SUMF1: variants seen among roughly 807,000 people sequenced by gnomAD.
SUMF1 encodes the protein formylglycine-generating enzyme.
SUMF1 carries 48 observed loss-of-function variants against 47.6 expected under a neutral mutation model. The ratio of observed to expected loss-of-function variants is 1.01; its 90% CI spans 0.80 to 1.28. The LOEUF is 1.28. Ranked by LOEUF, SUMF1 falls within the 50% of genes most tolerant of loss-of-function variation. The probability of loss-of-function intolerance (pLI) is 0.00; values close to 1 mark genes in which losing one functional copy is unlikely to be tolerated. For synonymous variants in SUMF1, 230 were observed against 192.1 expected, an observed-to-expected ratio of 1.20 and a Z score of -1.63; for missense variants, 571 against 485.4, an observed-to-expected ratio of 1.18 and a Z score of -1.66.
chr3:4,093,673 A>G (rs892687279), intron 8 of SUMF1, among the ~76,000 whole-genome samples: 12 of 152,134 alleles, frequency 7.9e-5, no homozygotes, highest in Non-Finnish European at 2.9e-5. Flanking sequence ...TAGAGGGGAA[A>G]CAATAAGGGA....
intron 8 of SUMF1, among the ~76,000 whole-genome samples, chr3:4,366,734 T>C (rs901420634): frequency 1.2e-4 from 18 of 152,218 alleles, no homozygotes; most frequent in Admixed American, 2.0e-4. Context: ...TCATTCTCCA[T>C]CCAGCTTTGT....
At chr3:4,437,622 A>C (rs1702443449) in intron 3 of SUMF1, among the ~76,000 whole-genome samples, 1 of 152,214 alleles carries the variant, frequency 6.6e-6, no homozygotes, top group African/African-American at 2.4e-5. Flanking sequence ...TGATATACCC[A>C]AAAACATAAA....
intron 8 of SUMF1, among the ~76,000 whole-genome samples, chr3:4,335,738 T>G (rs888641488): frequency 6.6e-6 from 1 of 151,078 alleles, no homozygotes; most frequent in Non-Finnish European, 1.5e-5. Flanking sequence ...AGGTCAGGAG[T>G]ACAAGACCAG....
chr3:4,388,599 A>G (rs1700748110), intron 7 of SUMF1, among the ~76,000 whole-genome samples: 1 of 151,580 alleles, frequency 6.6e-6, no homozygotes, highest in Admixed American at 6.6e-5. Flanking sequence ...CTGTCATTTT[A>G]TTTTTTGTTT....
At chr3:4,217,211 G>A (rs1695943938) in intron 8 of SUMF1, among the ~76,000 whole-genome samples, 1 of 151,852 alleles carries the variant, frequency 6.6e-6, no homozygotes, top group African/African-American at 2.4e-5. Flanking sequence ...CATGTCCTTT[G>A]CAGGGACATG....
At chr3:4,103,475 T>C (rs967605928) in intron 8 of SUMF1, among the ~76,000 whole-genome samples, 3 of 151,830 alleles carry the variant, frequency 2.0e-5, no homozygotes, top group African/African-American at 7.3e-5. Flanking sequence ...TGCTGGAACA[T>C]GAAGAAAGTG....
intron 9 of SUMF1, among the ~76,000 whole-genome samples, chr3:4,042,420 C>G (rs1182864965): frequency 6.6e-6 from 1 of 152,028 alleles, no homozygotes; most frequent in Admixed American, 6.6e-5. Flanking sequence ...GTATACCTGA[C>G]AAGAAACACT....
At chr3:4,167,165 G>T (rs555138973) in intron 8 of SUMF1, among the ~76,000 whole-genome samples, 2 of 152,096 alleles carry the variant, frequency 1.3e-5, no homozygotes, top group Non-Finnish European at 2.9e-5. Context: ...GAGTGTTACA[G>T]CTCTTAAAGG....
intron 8 of SUMF1, among the ~76,000 whole-genome samples, chr3:4,369,219 C>T (rs990507939): frequency 6.6e-6 from 1 of 152,142 alleles, no homozygotes; most frequent in Admixed American, 6.5e-5. Flanking sequence ...CCAATTTTCT[C>T]ATTTTCCTTG....
chr3:4,258,466 A>G (rs2125020048), intron 8 of SUMF1, among the ~76,000 whole-genome samples: 1 of 138,544 alleles, frequency 7.2e-6, no homozygotes, highest in Admixed American at 7.2e-5. Flanking sequence ...ATGAGCAGAC[A>G]CTTCTCAAAA....
intron 9 of SUMF1, among the ~76,000 whole-genome samples, chr3:4,037,689 T>C (rs565788249): frequency 9.8e-5 from 15 of 152,310 alleles, no homozygotes; most frequent in Admixed American, 2.0e-4. Flanking sequence ...AGAACCCTTG[T>C]TGGAGAACTG....
At chr3:4,357,207 A>T (rs1699638738), downstream of SUMF1, among the ~76,000 whole-genome samples, 1 of 152,196 alleles carries the variant, frequency 6.6e-6, no homozygotes, top group African/African-American at 2.4e-5. Flanking sequence ...TAAATATTTA[A>T]AAAAGAAAAA....
At chr3:4,367,730 T>C (rs1189245401) in intron 8 of SUMF1, among the ~76,000 whole-genome samples, 62 of 152,280 alleles carry the variant, frequency 4.1e-4, no homozygotes, top group Non-Finnish European at 2.5e-4. Flanking sequence ...AAACAAGCAA[T>C]GGGGAAAGGA....
chr3:4,183,696 A>G (rs748726264), intron 8 of SUMF1, among the ~76,000 whole-genome samples: 7 of 152,196 alleles, frequency 4.6e-5, no homozygotes, highest in Non-Finnish European at 1.0e-4. Flanking sequence ...CTGAAAATCA[A>G]TATCAGTATG....
At chr3:4,132,260 A>C (rs1693809968) in intron 8 of SUMF1, among the ~76,000 whole-genome samples, 1 of 152,142 alleles carries the variant, frequency 6.6e-6, no homozygotes, top group Non-Finnish European at 1.5e-5. Context: ...TCTCTGACCA[A>C]GGCACTCACT....
At chr3:4,303,281 T>C (rs1698019420) in intron 8 of SUMF1, 7 of 1,351,996 alleles carry the variant, frequency 5.2e-6, no homozygotes, top group Non-Finnish European at 6.8e-6. Context: ...ACAATTCCCA[T>C]GAGGCGGTGG....
intron 8 of SUMF1, among the ~76,000 whole-genome samples, chr3:4,156,158 C>CCTG (rs1313189770): frequency 2.0e-5 from 3 of 151,516 alleles, no homozygotes; most frequent in Non-Finnish European, 2.9e-5. Context: ...CTTAAGGGTT[C>CCTG]CTGCAGAACA....
At chr3:4,176,734 A>G (rs1194931622) in intron 8 of SUMF1, among the ~76,000 whole-genome samples, 4 of 152,182 alleles carry the variant, frequency 2.6e-5, no homozygotes, top group African/African-American at 9.6e-5. Flanking sequence ...ATTAAAAGAC[A>G]CAGACTGGCA....
chr3:4,099,945 T>C (rs538722473), intron 8 of SUMF1, among the ~76,000 whole-genome samples: 10 of 150,944 alleles, frequency 6.6e-5, no homozygotes, highest in African/African-American at 2.2e-4. Context: ...ATGAAAGAAA[T>C]AGAAAATGAC....
Sources: gnomAD v4.1 joint callset for allele counts (sites outside exome capture counted in the v4.1 genomes callset) on GRCh38, gnomAD v4.1.1 for gene constraint, MANE v1.5 for transcripts, NCBI Gene and HGNC (gene_info 2026-07-23, HGNC 2026-07-21) for gene names.